MCC: variants seen among roughly 807,000 people sequenced by gnomAD.
MCC encodes MCC regulator of Wnt signaling pathway.
A neutral mutation model predicts 116.2 loss-of-function variants in MCC; 90 were observed. That is an observed-to-expected ratio of 0.77 (90% CI 0.65 to 0.92). The LOEUF (loss-of-function observed/expected upper bound fraction) is 0.92. MCC is among the 40% of genes least tolerant of loss of function. The probability of loss-of-function intolerance (pLI) is 0.00; values close to 1 mark genes in which losing one functional copy is unlikely to be tolerated. For missense variants in MCC, 1,516 were observed against 1,312.2 expected (o/e 1.16, Z -2.40); for synonymous variants, 578 against 510.5 (o/e 1.13, Z -1.78).
chr5:113,216,160 A>G (rs1763307407), intron 3 of MCC, among the ~76,000 whole-genome samples: 1 of 151,912 alleles, frequency 6.6e-6, no homozygotes, highest in Non-Finnish European at 1.5e-5. Flanking sequence ...TGGCAGAATT[A>G]AGAAATTGCA....
At chr5:113,303,474 G>C (rs894315214) in intron 3 of MCC, among the ~76,000 whole-genome samples, 28 of 152,312 alleles carry the variant, frequency 1.8e-4, no homozygotes, top group Admixed American at 1.4e-3. Flanking sequence ...GTTTTAAGAA[G>C]GACAGTGGTA....
intron 2 of MCC, among the ~76,000 whole-genome samples, chr5:113,377,142 G>T (rs1172727412): frequency 1.3e-5 from 2 of 152,132 alleles, no homozygotes; most frequent in African/African-American, 2.4e-5. Flanking sequence ...GGACCTAACT[G>T]CCTAGGCTTC....
At chr5:113,130,414 C>T (rs1447688364) in intron 5 of MCC, among the ~76,000 whole-genome samples, 1 of 152,056 alleles carries the variant, frequency 6.6e-6, no homozygotes, top group Admixed American at 6.5e-5. Context: ...CACCATGGCA[C>T]ATGTATACCT....
At chr5:113,383,876 C>T (rs1051258574) in intron 2 of MCC, among the ~76,000 whole-genome samples, 4 of 152,042 alleles carry the variant, frequency 2.6e-5, no homozygotes, top group African/African-American at 7.2e-5. Context: ...GTGTATGTGG[C>T]ACTACACAAT....
At chr5:113,102,124 A>G (rs1486265538) in intron 7 of MCC, among the ~76,000 whole-genome samples, 179 bp from the exon 8 acceptor site, 1 of 149,844 alleles carries the variant, frequency 6.7e-6, no homozygotes, top group Non-Finnish European at 1.5e-5. Context: ...ATTTCAGATG[A>G]GGCTCTGTCA....
intron 3 of MCC, among the ~76,000 whole-genome samples, chr5:113,243,139 A>G (rs905574354): frequency 6.6e-6 from 1 of 152,100 alleles, no homozygotes; most frequent in African/African-American, 2.4e-5. Context: ...CAGGTCTAAA[A>G]ATGGCTGTTA....
At chr5:113,055,289 C>T (rs1752761561) in intron 14 of MCC, among the ~76,000 whole-genome samples, 1 of 152,176 alleles carries the variant, frequency 6.6e-6, no homozygotes. Flanking sequence ...TCTCCACAGG[C>T]CGCCAGATGC....
In MCC at chr5:113,025,041, T is replaced by G. The variant is rs1402749128; in HGVS notation, c.*2261A>C. ...GGGGAATTCTCAGAGAAGGGGAGGT[T>G]CTCTGATTTTACCTGGAGCAAGAAT... On this transcript the variant is annotated 3_prime_UTR_variant, in exon 19 of 19. Coordinates refer to ENST00000408903, the MANE Select transcript of MCC (RefSeq NM_001085377.2). 1 of 84,360 alleles carries G rather than the reference T, an allele frequency of 1.2e-5. No homozygotes were observed. The highest frequency in any genetic ancestry group is 2.5e-5 in the Non-Finnish European group (1 of 40,280). 5.2% of individuals were successfully genotyped at this position (84,360 alleles called of 1,614,324 possible). A position where few individuals can be genotyped will look rare whatever the true frequency, so the allele number is the denominator to read the frequency against.
intron 3 of MCC, among the ~76,000 whole-genome samples, chr5:113,255,752 G>T (rs1764981409): frequency 6.6e-6 from 1 of 152,124 alleles, no homozygotes; most frequent in Admixed American, 6.6e-5. Flanking sequence ...TAATCCCTGT[G>T]GTTACGTGGG....
intron 1 of MCC, among the ~76,000 whole-genome samples, chr5:113,404,055 T>C (rs1769762926): frequency 1.3e-5 from 2 of 152,008 alleles, no homozygotes; most frequent in African/African-American, 2.4e-5. Flanking sequence ...TTAGTAGAGA[T>C]GGCATTTCAC....
intron 1 of MCC, among the ~76,000 whole-genome samples, chr5:113,464,601 T>A (rs1338538299): frequency 1.1e-5 from 1 of 90,530 alleles, no homozygotes; most frequent in African/African-American, 4.7e-5. Flanking sequence ...CTCTAACATA[T>A]CATGCTTTGT....
intron 5 of MCC, among the ~76,000 whole-genome samples, chr5:113,136,700 C>T (rs1319649688): frequency 2.6e-5 from 4 of 152,034 alleles, no homozygotes; most frequent in Non-Finnish European, 5.9e-5. Context: ...GATTTTGTAT[C>T]CTGTAACTTT....
intron 3 of MCC, among the ~76,000 whole-genome samples, chr5:113,257,429 G>GA (rs1205290549): frequency 6.6e-6 from 1 of 152,132 alleles, no homozygotes; most frequent in African/African-American, 2.4e-5. Flanking sequence ...AGGACAGAAG[G>GA]ACTCCAGGCA....
intron 11 of MCC, among the ~76,000 whole-genome samples, chr5:113,074,770 G>C (rs992439098): frequency 6.6e-6 from 1 of 152,260 alleles, no homozygotes; most frequent in Non-Finnish European, 1.5e-5. Context: ...ATTTGATCAA[G>C]TGGAAGAAAG....
chr5:113,197,800 G>A (rs1237144028), intron 3 of MCC, among the ~76,000 whole-genome samples: 1 of 152,208 alleles, frequency 6.6e-6, no homozygotes, highest in Admixed American at 6.5e-5. Context: ...GGTCACAGGG[G>A]AACTGTGAAG....
chr5:113,149,297 C>T (rs1759709246), intron 4 of MCC, among the ~76,000 whole-genome samples: 1 of 151,674 alleles, frequency 6.6e-6, no homozygotes, highest in African/African-American at 2.4e-5. Flanking sequence ...TTGGAGACCA[C>T]CACTGAAACA....
chr5:113,170,033 G>C (rs1328050538), intron 3 of MCC, among the ~76,000 whole-genome samples: 1 of 152,178 alleles, frequency 6.6e-6, no homozygotes, highest in African/African-American at 2.4e-5. Flanking sequence ...TACTATGGTA[G>C]AATTAGATGG....
intron 3 of MCC, among the ~76,000 whole-genome samples, chr5:113,325,242 C>A (rs1767524137): frequency 6.6e-6 from 1 of 152,084 alleles, no homozygotes; most frequent in Non-Finnish European, 1.5e-5. Context: ...TTCCTTCTTA[C>A]CACAAACTCT....
chr5:113,133,250 T>C (rs899050200), intron 5 of MCC, among the ~76,000 whole-genome samples: 1 of 152,144 alleles, frequency 6.6e-6, no homozygotes, highest in Non-Finnish European at 1.5e-5. Flanking sequence ...TATCTACCTA[T>C]ATTTTTGTAC....
Sources: allele counts gnomAD v4.1 joint callset (sites outside exome capture counted in the v4.1 genomes callset), GRCh38; gene constraint gnomAD v4.1.1; transcripts MANE v1.5; gene names NCBI Gene and HGNC (gene_info 2026-07-23, HGNC 2026-07-21).